MIPOL1: variants seen among roughly 807,000 people sequenced by gnomAD.
MIPOL1 encodes mirror-image polydactyly 1.
In MIPOL1, 57 loss-of-function variants were observed where a neutral mutation model predicts 60.9. The observed-to-expected ratio is 0.94, with a 90% CI of 0.76 to 1.17. MIPOL1 has a LOEUF of 1.17. MIPOL1 is among the 50% of genes most tolerant of loss of function. The pLI is 0.00. For synonymous variants in MIPOL1, 179 were observed against 168.8 expected (o/e 1.06, Z -0.47); for missense variants, 551 against 511.6 (o/e 1.08, Z -0.74).
intron 10 of MIPOL1, among the ~76,000 whole-genome samples, chr14:37,382,281 T>C (rs1368585116): frequency 6.6e-6 from 1 of 152,042 alleles, no homozygotes; most frequent in Non-Finnish European, 1.5e-5. Flanking sequence ...AAAGTCCAGA[T>C]TGGTTGTTTG....
intron 6 of MIPOL1, among the ~76,000 whole-genome samples, chr14:37,271,616 G>C (rs1368552012): frequency 6.6e-6 from 1 of 151,666 alleles, no homozygotes; most frequent in East Asian, 1.9e-4. Context: ...TTGTGTGTGG[G>C]AAAATATGAA....
intron 9 of MIPOL1, among the ~76,000 whole-genome samples, chr14:37,329,303 T>C (rs1014543061): frequency 2.0e-5 from 3 of 152,128 alleles, no homozygotes; most frequent in Non-Finnish European, 4.4e-5. Context: ...CTGAGAACTG[T>C]CTGAGGTCTC....
chr14:37,198,851 A>G (rs1357935214), intron 1 of MIPOL1, among the ~76,000 whole-genome samples: 2 of 152,206 alleles, frequency 1.3e-5, no homozygotes, highest in Non-Finnish European at 2.9e-5. Flanking sequence ...TTCCCCAGAT[A>G]ACTTGAATAT....
intron 12 of MIPOL1, among the ~76,000 whole-genome samples, chr14:37,546,378 G>A (rs987315752): frequency 6.6e-6 from 1 of 152,026 alleles, no homozygotes; most frequent in Admixed American, 6.6e-5. Flanking sequence ...AACTTGAAAT[G>A]TTTCCCACCT....
At chr14:37,267,286 G>A (rs569372721) in intron 4 of MIPOL1, 117 bp downstream of exon 4, 97 of 692,322 alleles carry the variant, frequency 1.4e-4, no homozygotes, top group Admixed American at 7.2e-4. Flanking sequence ...TCAGGAGTTC[G>A]AGACCAGCCT....
At chr14:37,338,719 A>G (rs577302243) in intron 9 of MIPOL1, among the ~76,000 whole-genome samples, 195 of 152,260 alleles carry the variant, frequency 1.3e-3, no homozygotes, top group Admixed American at 2.2e-3. Context: ...ATTTTTATCA[A>G]GGTACCAAAT....
intron 7 of MIPOL1, among the ~76,000 whole-genome samples, chr14:37,294,830 G>A (rs79816191): frequency 0.084 from 12,720 of 151,976 alleles, 1,803 homozygotes; most frequent in African/African-American, 0.29. Context: ...ACATCTAATT[G>A]GTGTACCTGA....
intron 3 of MIPOL1, among the ~76,000 whole-genome samples, chr14:37,260,653 C>T (rs190794860): frequency 6.6e-6 from 1 of 152,148 alleles, no homozygotes; most frequent in Non-Finnish European, 1.5e-5. Context: ...GTTTAAAGCA[C>T]AGATAGAGGT....
At chr14:37,292,651 T>G (rs1344390744) in intron 7 of MIPOL1, among the ~76,000 whole-genome samples, 1 of 151,920 alleles carries the variant, frequency 6.6e-6, no homozygotes, top group Non-Finnish European at 1.5e-5. Flanking sequence ...CGGCTAATTT[T>G]TGTACTTTCA....
intron 9 of MIPOL1, among the ~76,000 whole-genome samples, chr14:37,334,738 T>A (rs2089984753): frequency 6.6e-6 from 1 of 152,020 alleles, no homozygotes; most frequent in Admixed American, 6.6e-5. Flanking sequence ...CTATTCTGGA[T>A]TTTACATAAA....
chr14:37,535,319 T>C (rs566743166), intron 12 of MIPOL1, among the ~76,000 whole-genome samples: 5 of 152,302 alleles, frequency 3.3e-5, no homozygotes, highest in Admixed American at 1.3e-4. Context: ...CTAAGGACAG[T>C]TGAATATACA....
At chr14:37,408,442 C>T (rs2093628333) in intron 10 of MIPOL1, among the ~76,000 whole-genome samples, 1 of 151,964 alleles carries the variant, frequency 6.6e-6, no homozygotes, top group South Asian at 2.1e-4. Flanking sequence ...CCAGCCTGGC[C>T]AACATGGTGA....
chr14:37,380,824 TTA>T (rs2092905058), intron 10 of MIPOL1, among the ~76,000 whole-genome samples: 1 of 152,102 alleles, frequency 6.6e-6, no homozygotes, highest in Admixed American at 6.6e-5. Flanking sequence ...GCCACAAATT[TTA>T]AAAAATGAAT....
At chr14:37,385,203 G>A (rs1329222330) in intron 10 of MIPOL1, among the ~76,000 whole-genome samples, 1 of 152,024 alleles carries the variant, frequency 6.6e-6, no homozygotes, top group Non-Finnish European at 1.5e-5. Context: ...TAAGGTTGGG[G>A]TGGTGGAAAT....
intron 9 of MIPOL1, among the ~76,000 whole-genome samples, chr14:37,359,734 CGAT>C: frequency 6.6e-6 from 1 of 152,260 alleles, no homozygotes; most frequent in East Asian, 1.9e-4. Context: ...TGGACTGAGA[CGAT>C]GGGGTTTTCT....
intron 9 of MIPOL1, among the ~76,000 whole-genome samples, chr14:37,332,748 T>A (rs1160140662): frequency 6.6e-6 from 1 of 152,202 alleles, no homozygotes; most frequent in Non-Finnish European, 1.5e-5. Flanking sequence ...CAACTTTTTT[T>A]TGGTAATGTC....
intron 9 of MIPOL1, among the ~76,000 whole-genome samples, chr14:37,351,145 G>A (rs1347506302): frequency 6.9e-6 from 1 of 144,646 alleles, no homozygotes; most frequent in East Asian, 2.1e-4. Flanking sequence ...ACCTATGAGT[G>A]AGAATATGCG....
chr14:37,231,375 A>C (rs1325342788), intron 1 of MIPOL1, among the ~76,000 whole-genome samples: 1 of 152,210 alleles, frequency 6.6e-6, no homozygotes, highest in Non-Finnish European at 1.5e-5. Context: ...GGCATGAGCC[A>C]CTGTGCCCAG....
chr14:37,423,692 T>G lies in MIPOL1; in HGVS notation c.1031+743T>G, dbSNP rs948145117. The G allele has an allele frequency of 1.5e-4, 23 of 152,132 alleles. 1 individual carries two copies. The highest frequency in any genetic ancestry group is 5.1e-4 in the African/African-American group (21 of 41,458). 9.4% of individuals were successfully genotyped at this position (152,132 alleles called of 1,614,324 possible). A position where few individuals can be genotyped will look rare whatever the true frequency, so the allele number is the denominator to read the frequency against. On this transcript the variant is annotated intron_variant, in intron 11 of 12. Transcript: ENST00000684589. ...ATCCTCAAGTCTGAAATGTAGGAAT[T>G]CACTAAGGGTGCTGTTAAGTTTTTG...
Sources: gnomAD v4.1 joint callset for allele counts (sites outside exome capture counted in the v4.1 genomes callset) on GRCh38, gnomAD v4.1.1 for gene constraint, MANE v1.5 for transcripts, NCBI Gene and HGNC (gene_info 2026-07-23, HGNC 2026-07-21) for gene names.